Variants in DACH2 observed in about 807,000 individuals in gnomAD.
DACH2 encodes dachshund family transcription factor 2, also known as dachshund homolog 2.
DACH2 carries 17 observed loss-of-function variants against 35.8 expected under a neutral mutation model. The observed-to-expected ratio is 0.48, with a 90% CI of 0.33 to 0.71. The LOEUF (loss-of-function observed/expected upper bound fraction) is 0.71. DACH2 is among the 30% of genes least tolerant of loss of function. DACH2 has a pLI of 0.02. For missense variants in DACH2, 469 were observed against 472.7 expected, an observed-to-expected ratio of 0.99 and a Z score of 0.07; for synonymous variants, 195 against 177.3, an observed-to-expected ratio of 1.10 and a Z score of -0.79.
intron 1 of DACH2, among the ~76,000 whole-genome samples, chrX:86,312,553 T>C (rs776761339): frequency 6.3e-5 from 7 of 111,683 alleles, no homozygotes; most frequent in Non-Finnish European, 1.1e-4. Context: ...AAGTGATTAA[T>C]ATTTGAGTCA....
At chrX:86,170,975 C>A (rs1181503859) in intron 1 of DACH2, among the ~76,000 whole-genome samples, 6 of 111,839 alleles carry the variant, frequency 5.4e-5, no homozygotes, top group Non-Finnish European at 1.1e-4. Context: ...CAAAGGGTTG[C>A]ATTCTTTTGA....
chrX:86,338,191 G>A (rs1421891634), intron 1 of DACH2, among the ~76,000 whole-genome samples: 1 of 111,572 alleles, frequency 9.0e-6, no homozygotes, highest in Non-Finnish European at 1.9e-5. Context: ...TTCAGGACTT[G>A]AACTCTGCTC....
intron 1 of DACH2, among the ~76,000 whole-genome samples, chrX:86,279,087 C>T (rs1429654252): frequency 8.9e-6 from 1 of 112,045 alleles, no homozygotes; most frequent in Admixed American, 9.4e-5. Context: ...GGACAGAGCA[C>T]CTGGGGGAAG....
At chrX:86,384,595 G>A (rs1210071179) in intron 2 of DACH2, among the ~76,000 whole-genome samples, 1 of 111,821 alleles carries the variant, frequency 8.9e-6, no homozygotes, top group Non-Finnish European at 1.9e-5. Context: ...CCCAGTGTAT[G>A]AGGACTCTAA....
At chrX:86,243,228 C>T (rs915016138) in intron 1 of DACH2, among the ~76,000 whole-genome samples, 1 of 110,688 alleles carries the variant, frequency 9.0e-6, no homozygotes, top group Non-Finnish European at 1.9e-5. Context: ...GGAGCAGATA[C>T]ATAGGAAAAA....
intron 4 of DACH2, among the ~76,000 whole-genome samples, chrX:86,686,541 A>AT (rs965903063): frequency 5.4e-5 from 6 of 111,121 alleles, no homozygotes; most frequent in Non-Finnish European, 9.4e-5. Flanking sequence ...ATTGAAGGGT[A>AT]TTTTTTTAAA....
At chrX:86,341,948 G>A (rs925657606) in intron 1 of DACH2, among the ~76,000 whole-genome samples, 2 of 111,867 alleles carry the variant, frequency 1.8e-5, no homozygotes, top group African/African-American at 6.5e-5. Flanking sequence ...TCTTACGGAT[G>A]AGCAAAGACA....
At chrX:86,812,835 A>T (rs2042407494) in intron 7 of DACH2, 21 bp from the exon 8 acceptor site, 1 of 1,167,646 alleles carries the variant, frequency 8.6e-7, no homozygotes, top group East Asian at 3.1e-5. Flanking sequence ...GAACCTTCTG[A>T]TACTAATTTT....
chrX:86,486,877 G>C (rs182688855), intron 2 of DACH2, among the ~76,000 whole-genome samples: 96 of 111,268 alleles, frequency 8.6e-4, no homozygotes, highest in African/African-American at 3.0e-3. Context: ...ATATACTATG[G>C]GTTAATTTAC....
intron 2 of DACH2, among the ~76,000 whole-genome samples, chrX:86,504,588 G>A (rs748562535): frequency 9.1e-6 from 1 of 109,737 alleles, no homozygotes; most frequent in East Asian, 2.8e-4. Context: ...CTTCATTTGT[G>A]TTAACAACAT....
At chrX:86,306,134 T>C (rs1319859779) in intron 1 of DACH2, among the ~76,000 whole-genome samples, 1 of 112,164 alleles carries the variant, frequency 8.9e-6, no homozygotes, top group African/African-American at 3.2e-5. Context: ...GTCAAAGAGA[T>C]ACCTATACTC....
At chrX:86,277,707 A>G (rs1347538804) in intron 1 of DACH2, among the ~76,000 whole-genome samples, 1 of 111,559 alleles carries the variant, frequency 9.0e-6, no homozygotes, top group Non-Finnish European at 1.9e-5. Flanking sequence ...GATGAGGAGC[A>G]TAGTGGCCAG....
intron 1 of DACH2, among the ~76,000 whole-genome samples, chrX:86,165,791 A>G (rs2030923033): frequency 1.8e-5 from 2 of 110,864 alleles, no homozygotes; most frequent in African/African-American, 6.6e-5. Flanking sequence ...TTGTCTCTTC[A>G]CTTTGTTAAA....
At chrX:86,346,537 G>A in intron 1 of DACH2, among the ~76,000 whole-genome samples, 1 of 110,974 alleles carries the variant, frequency 9.0e-6, no homozygotes, top group Non-Finnish European at 1.9e-5. Context: ...TTCATCTTAA[G>A]ATAAAACCCC....
chrX:86,172,833 G>T (rs1413513900), intron 1 of DACH2, among the ~76,000 whole-genome samples: 1 of 111,848 alleles, frequency 8.9e-6, no homozygotes. Flanking sequence ...GCCTTTTAAT[G>T]ATAGTGTCTT....
intron 4 of DACH2, among the ~76,000 whole-genome samples, chrX:86,673,102 G>A (rs756295163): frequency 5.4e-5 from 6 of 110,936 alleles, no homozygotes; most frequent in South Asian, 7.5e-4. Context: ...TTGGGAGGCC[G>A]AGGCGGGTGG....
At chrX:86,780,031 C>A (rs1184742014) in intron 7 of DACH2, among the ~76,000 whole-genome samples, 1 of 110,360 alleles carries the variant, frequency 9.1e-6, no homozygotes, top group Non-Finnish European at 1.9e-5. Context: ...TGATACCCAT[C>A]CCCCAGGGTT....
intron 3 of DACH2, among the ~76,000 whole-genome samples, chrX:86,570,225 T>C (rs1299340559): frequency 1.8e-5 from 2 of 111,511 alleles, no homozygotes; most frequent in South Asian, 3.7e-4. Context: ...GACCCAGCAA[T>C]CTCGTTACTG....
chrX:86,361,197 A>G (rs1432589376), intron 1 of DACH2, among the ~76,000 whole-genome samples: 2 of 111,541 alleles, frequency 1.8e-5, no homozygotes, highest in Non-Finnish European at 3.8e-5. Context: ...TTGTGTGTAG[A>G]CCTACTGCTT....
Sources: allele counts gnomAD v4.1 joint callset (sites outside exome capture counted in the v4.1 genomes callset), GRCh38; gene constraint gnomAD v4.1.1; transcripts MANE v1.5; gene names NCBI Gene and HGNC (gene_info 2026-07-23, HGNC 2026-07-21).